Variants in MAPK10 observed in about 807,000 individuals in gnomAD.
The protein encoded by MAPK10 is JNK3 alpha protein kinase.
MAPK10 carries 25 observed loss-of-function variants against 59.3 expected under a neutral mutation model. That is an observed-to-expected ratio of 0.42 (90% confidence interval 0.31 to 0.59). MAPK10 has a LOEUF of 0.59. Ranked by LOEUF, MAPK10 falls within the 20% of genes least tolerant of loss-of-function variation. MAPK10 has a pLI of 0.15. For synonymous variants in MAPK10, 190 were observed against 200.5 expected, an observed-to-expected ratio of 0.95 and a Z score of 0.44; for missense variants, 351 against 568.9, an observed-to-expected ratio of 0.62 and a Z score of 3.90.
intron 9 of MAPK10, chr4:86,080,783 T>A (rs551290046): frequency 1.3e-5 from 2 of 152,098 alleles, no homozygotes; most frequent in East Asian, 1.9e-4. Flanking sequence ...AATGAACATG[T>A]GCCAAGATCC....
At chr4:86,372,199 C>A (rs1738872744) in intron 1 of MAPK10, among the ~76,000 whole-genome samples, 1 of 152,112 alleles carries the variant, frequency 6.6e-6, no homozygotes, top group South Asian at 2.1e-4. Flanking sequence ...GACCACAGTG[C>A]AATCAAATTA....
chr4:86,593,144 T>C (rs1763208979), intron 1 of MAPK10, among the ~76,000 whole-genome samples: 1 of 152,334 alleles, frequency 6.6e-6, no homozygotes, highest in African/African-American at 2.4e-5. Context: ...AAATCATTAC[T>C]ATTAATTCCC....
At chr4:86,586,910 C>T (rs114996084) in intron 1 of MAPK10, among the ~76,000 whole-genome samples, 8 of 152,220 alleles carry the variant, frequency 5.3e-5, no homozygotes, top group Non-Finnish European at 7.4e-5. Context: ...ATAGATCTAG[C>T]GAGTCCTGGT....
intron 1 of MAPK10, among the ~76,000 whole-genome samples, chr4:86,583,642 A>G (rs987333497): frequency 2.0e-5 from 3 of 152,222 alleles, no homozygotes; most frequent in Admixed American, 6.5e-5. Flanking sequence ...TTGTTGAGCT[A>G]CTGCACTGTC....
intron 2 of MAPK10, among the ~76,000 whole-genome samples, chr4:86,237,832 G>A (rs2092389349): frequency 6.6e-6 from 1 of 152,154 alleles, no homozygotes; most frequent in Non-Finnish European, 1.5e-5. Flanking sequence ...TTGCTGTGCA[G>A]AGGCTCTTTA....
intron 9 of MAPK10, among the ~76,000 whole-genome samples, chr4:86,075,394 C>T (rs377506242): frequency 4.6e-5 from 7 of 152,282 alleles, no homozygotes; most frequent in South Asian, 4.1e-4. Context: ...TCTCTCAGCT[C>T]GTCAAAGTCA....
At chr4:86,390,878 T>C (rs1742098914) in intron 1 of MAPK10, among the ~76,000 whole-genome samples, 1 of 152,230 alleles carries the variant, frequency 6.6e-6, no homozygotes, top group African/African-American at 2.4e-5. Context: ...CTATCAATCT[T>C]CTGTCCATGT....
chr4:86,149,609 A>C (rs2065906419), intron 4 of MAPK10, among the ~76,000 whole-genome samples: 1 of 152,188 alleles, frequency 6.6e-6, no homozygotes, highest in South Asian at 2.1e-4. Context: ...TTGAACTAGA[A>C]AAGACAGTTC....
intron 2 of MAPK10, among the ~76,000 whole-genome samples, chr4:86,231,875 T>G (rs886478604): frequency 3.3e-5 from 5 of 152,130 alleles, no homozygotes; most frequent in Non-Finnish European, 7.3e-5. Context: ...AGTAGAGCAT[T>G]AAGCCAAATG....
rs112448558 is a variant in MAPK10 at position 86,350,457 on chromosome 4, G to A, written c.-7+4073C>T. 9.8e-3 allele frequency among the ~76,000 whole-genome samples: 1,488 copies of A among 152,024 alleles called. 13 individuals carry two copies. The highest frequency in any genetic ancestry group is 0.014 in the Middle Eastern group (4 of 294). On this transcript the variant is annotated intron_variant, in intron 2 of 13. Coordinates refer to ENST00000641462, the MANE Select transcript of MAPK10 (RefSeq NM_138982.4). ...TCTTGATCTCCTGACCTCGTGATCCGCCCACCTCGGCCTCCCAAAGTGCTG... is the reference window on the plus strand; with the variant it reads ...TCTTGATCTCCTGACCTCGTGATCCACCCACCTCGGCCTCCCAAAGTGCTG...
intron 1 of MAPK10, among the ~76,000 whole-genome samples, chr4:86,436,942 G>A (rs1326759444): frequency 6.6e-6 from 1 of 152,110 alleles, no homozygotes; most frequent in African/African-American, 2.4e-5. Flanking sequence ...GCCAGGCCTG[G>A]TGGCTCATGC....
intron 9 of MAPK10, among the ~76,000 whole-genome samples, chr4:86,076,238 C>T (rs147062840): frequency 1.1e-4 from 17 of 152,304 alleles, no homozygotes; most frequent in Middle Eastern, 3.4e-3. Context: ...GGCAATGCCT[C>T]GCCCTGCTTC....
In MAPK10 at chr4:86,180,496, AAAAAAAAG is replaced by A. The variant is rs1003671559; in HGVS notation, c.66+13832_66+13839del. The stretch of plus-strand genomic sequence containing the variant: ...CCACTACTGGGTGTTCATCAAAAAA[AAAAAAAAG>A]AAGAAGAAAAAAGAAAACTAGTGTA... On this transcript the variant is annotated intron_variant, in intron 3 of 13. Transcript: ENST00000641462. Among the ~76,000 whole-genome samples the A allele has an allele frequency of 1.1e-4, 15 of 137,708 alleles. 1 individual carries two copies. The highest frequency in any genetic ancestry group is 4.4e-4 in the African/African-American group (14 of 32,054). The allele number at this position is 137,708 out of a possible 152,430, so 90.3% of individuals were successfully genotyped here.
At chr4:86,100,579 G>A (rs2055163647) in intron 8 of MAPK10, 1 of 152,500 alleles carries the variant, frequency 6.6e-6, no homozygotes, top group Non-Finnish European at 1.5e-5. Context: ...TTTCAAAGTT[G>A]TCTATGAAGA....
intron 1 of MAPK10, among the ~76,000 whole-genome samples, chr4:86,515,157 T>C (rs113227389): frequency 0.047 from 7,129 of 152,294 alleles, 225 homozygotes; most frequent in African/African-American, 0.059. Flanking sequence ...ATTCCAACCA[T>C]GTTGCTGCAA....
chr4:86,058,850 A>G (rs1045674537), intron 11 of MAPK10, among the ~76,000 whole-genome samples: 1 of 152,034 alleles, frequency 6.6e-6, no homozygotes, highest in Admixed American at 6.6e-5. Flanking sequence ...AAGCTCTGGA[A>G]CCTGTTCTAC....
chr4:86,522,791 G>C (rs1425479968), intron 1 of MAPK10, among the ~76,000 whole-genome samples: 2 of 152,130 alleles, frequency 1.3e-5, no homozygotes, highest in African/African-American at 2.4e-5. Context: ...TCATGCACCT[G>C]TTCATACATA....
chr4:86,282,462 G>C (rs1317864776), intron 2 of MAPK10, among the ~76,000 whole-genome samples: 1 of 151,976 alleles, frequency 6.6e-6, no homozygotes, highest in Non-Finnish European at 1.5e-5. Flanking sequence ...TGGATATTTA[G>C]TCAACTGCAA....
intron 1 of MAPK10, among the ~76,000 whole-genome samples, chr4:86,579,724 T>C (rs1472320374): frequency 6.6e-6 from 1 of 152,206 alleles, no homozygotes; most frequent in Non-Finnish European, 1.5e-5. Flanking sequence ...TTAACCACCA[T>C]AATAATTACT....
Sources: allele counts gnomAD v4.1 joint callset (sites outside exome capture counted in the v4.1 genomes callset), GRCh38; gene constraint gnomAD v4.1.1; transcripts MANE v1.5; gene names NCBI Gene and HGNC (gene_info 2026-07-23, HGNC 2026-07-21).